GRM7: variants seen among roughly 807,000 people sequenced by gnomAD.
GRM7 encodes the protein glutamate metabotropic receptor 7, also known as metabotropic glutamate receptor 7.
A neutral mutation model predicts 84.5 loss-of-function variants in GRM7; 35 were observed. The ratio of observed to expected loss-of-function variants is 0.41; its 90% CI spans 0.32 to 0.55. The LOEUF is 0.55. Among genes scored for constraint, GRM7 ranks in the 20% least tolerant of loss-of-function variants. The pLI is 0.19. For synonymous variants in GRM7, 487 were observed against 455.1 expected (o/e 1.07, Z -0.89); for missense variants, 1,003 against 1,194.6 (o/e 0.84, Z 2.36).
chr3:7,243,325 T>C (rs1697631383), intron 2 of GRM7, among the ~76,000 whole-genome samples: 1 of 152,100 alleles, frequency 6.6e-6, no homozygotes, highest in Non-Finnish European at 1.5e-5. Flanking sequence ...AGGTTGAGGC[T>C]TGATTCAGTG....
intron 7 of GRM7, among the ~76,000 whole-genome samples, chr3:7,577,324 A>G (rs1414517212): frequency 1.3e-5 from 2 of 152,180 alleles, no homozygotes; most frequent in Non-Finnish European, 2.9e-5. Flanking sequence ...TGCAAACTCT[A>G]TTGTAACAAG....
intron 2 of GRM7, among the ~76,000 whole-genome samples, chr3:7,176,860 G>C (rs79623281): frequency 1.3e-5 from 2 of 152,114 alleles, no homozygotes; most frequent in Non-Finnish European, 2.9e-5. Context: ...GTGACTTCAG[G>C]AATCAGCTTT....
intron 5 of GRM7, among the ~76,000 whole-genome samples, chr3:7,415,923 C>A (rs191209445): frequency 1.3e-5 from 2 of 152,174 alleles, no homozygotes; most frequent in Non-Finnish European, 2.9e-5. Context: ...GGGCATATAA[C>A]TAAGGAAGTT....
At chr3:7,108,514 T>C (rs1692732846) in intron 1 of GRM7, among the ~76,000 whole-genome samples, 1 of 151,160 alleles carries the variant, frequency 6.6e-6, no homozygotes, top group Non-Finnish European at 1.5e-5. Flanking sequence ...TTTTTGCTGC[T>C]TTTCTCTTTG....
chr3:7,222,024 G>A (rs998124590), intron 2 of GRM7, among the ~76,000 whole-genome samples: 2 of 151,786 alleles, frequency 1.3e-5, no homozygotes, highest in African/African-American at 4.8e-5. Flanking sequence ...GACCGGGCTG[G>A]TTTCGAACTC....
intron 1 of GRM7, among the ~76,000 whole-genome samples, chr3:7,054,023 C>T (rs564976848): frequency 6.6e-6 from 1 of 150,846 alleles, no homozygotes; most frequent in South Asian, 2.1e-4. Flanking sequence ...TTTTGTTCTA[C>T]AGTTTTTTCA....
chr3:7,073,544 T>A (rs2124986822), intron 1 of GRM7, among the ~76,000 whole-genome samples: 1 of 152,260 alleles, frequency 6.6e-6, no homozygotes, highest in Admixed American at 6.5e-5. Flanking sequence ...TCAGATCAGA[T>A]TTCAAGAATT....
intron 1 of GRM7, among the ~76,000 whole-genome samples, chr3:6,929,358 A>T (rs1697417786): frequency 6.6e-6 from 1 of 152,130 alleles, no homozygotes; most frequent in Non-Finnish European, 1.5e-5. Flanking sequence ...CTTGCTTTGG[A>T]ATATCTACTG....
intron 1 of GRM7, among the ~76,000 whole-genome samples, chr3:7,102,066 C>G (rs532106617): frequency 6.6e-6 from 1 of 151,236 alleles, no homozygotes; most frequent in East Asian, 1.9e-4. Flanking sequence ...TTTTTTCTTT[C>G]AAAATTTAGT....
At chr3:7,414,951 A>G in intron 4 of GRM7, 72 bp from the exon 5 acceptor site, 3 of 1,284,634 alleles carry the variant, frequency 2.3e-6, no homozygotes, top group Non-Finnish European at 2.1e-6. Flanking sequence ...AAAAAAAGTC[A>G]CTTTTATTTT....
At chr3:6,872,947 G>A (rs895072640) in intron 1 of GRM7, among the ~76,000 whole-genome samples, 2 of 152,132 alleles carry the variant, frequency 1.3e-5, no homozygotes, top group Admixed American at 6.5e-5. Flanking sequence ...CTTTACAGTA[G>A]AATGATTTAT....
chr3:7,700,082 T>C lies in GRM7; in HGVS notation c.2698+19787T>C, dbSNP rs189692445. On this transcript the variant is annotated intron_variant, in intron 9 of 9. Coordinates refer to ENST00000357716, the MANE Select transcript of GRM7 (RefSeq NM_000844.4). ...TCAGAAATTGGTGTCCCTTCTCAAC[T>C]AGCATTTAGCAGAATCATCTAGGAC... is the stretch of plus-strand genomic sequence containing the variant. 2.8e-3 allele frequency among the ~76,000 whole-genome samples: 425 copies of C among 152,304 alleles called. 7 individuals are homozygous for C. Among genetic ancestry groups the C allele is most frequent in the Middle Eastern group, 0.02 (6 of 294 alleles).
intron 4 of GRM7, among the ~76,000 whole-genome samples, chr3:7,355,881 G>C (rs1559261739): frequency 6.6e-6 from 1 of 152,110 alleles, no homozygotes; most frequent in Non-Finnish European, 1.5e-5. Flanking sequence ...GAGGTTCCTA[G>C]ATCAGCTGAC....
At chr3:7,711,936 A>G (rs981146925) in intron 9 of GRM7, among the ~76,000 whole-genome samples, 40 of 152,212 alleles carry the variant, frequency 2.6e-4, no homozygotes, top group African/African-American at 9.4e-4. Context: ...GCCCAAGAAG[A>G]TATTTCAAGA....
intron 8 of GRM7, among the ~76,000 whole-genome samples, chr3:7,639,135 G>C (rs939253627): frequency 1.3e-5 from 2 of 152,150 alleles, no homozygotes; most frequent in Non-Finnish European, 2.9e-5. Context: ...TACATGGTGT[G>C]TATTAAATGT....
At chr3:7,060,190 A>C (rs1402165981) in intron 1 of GRM7, among the ~76,000 whole-genome samples, 1 of 151,792 alleles carries the variant, frequency 6.6e-6, no homozygotes, top group African/African-American at 2.4e-5. Context: ...TTAATTTTTC[A>C]AGTATCTCCT....
intron 4 of GRM7, among the ~76,000 whole-genome samples, chr3:7,367,603 T>A (rs56186901): frequency 0.5 from 75,245 of 151,448 alleles, 18,770 homozygotes; most frequent in East Asian, 0.58. Flanking sequence ...CATGGGAGGG[T>A]TGAGGGCCCT....
intron 8 of GRM7, among the ~76,000 whole-genome samples, chr3:7,665,325 C>A (rs1311608709): frequency 6.6e-6 from 1 of 151,652 alleles, no homozygotes; most frequent in Non-Finnish European, 1.5e-5. Flanking sequence ...GTGCCCGCCA[C>A]CGCACCCGGC....
At chr3:7,171,215 A>T (rs983905297) in intron 2 of GRM7, among the ~76,000 whole-genome samples, 20 of 152,074 alleles carry the variant, frequency 1.3e-4, no homozygotes, top group African/African-American at 3.6e-4. Flanking sequence ...CTCTCTCCTT[A>T]GCTTGTAGAT....
Sources: gnomAD v4.1 joint callset for allele counts (sites outside exome capture counted in the v4.1 genomes callset) on GRCh38, gnomAD v4.1.1 for gene constraint, MANE v1.5 for transcripts, NCBI Gene and HGNC (gene_info 2026-07-23, HGNC 2026-07-21) for gene names.